The following PRRC2C variants were observed in gnomAD, a reference collection of about 807,000 sequenced individuals.
PRRC2C encodes the protein protein PRRC2C.
Under a neutral mutation model 317.2 loss-of-function variants are expected in PRRC2C, and 72 were observed. The observed-to-expected ratio is 0.23, with a 90% CI of 0.19 to 0.28. The LOEUF is 0.28. PRRC2C is among the 10% of genes least tolerant of loss of function. The pLI is 1.00. For missense variants in PRRC2C, 3,074 were observed against 3,459.7 expected, an observed-to-expected ratio of 0.89 and a Z score of 2.80; for synonymous variants, 1,296 against 1,205.9, an observed-to-expected ratio of 1.07 and a Z score of -1.55.
At position 171,541,787 on chromosome 1, in the gene PRRC2C, C is replaced by T. The variant is rs1259680428; in HGVS notation, c.4321C>T (p.Arg1441Trp). ...GCAAGACAAGCCACCTCGATTTAGACGGCTAAGAGAGAGGGAGGCTGCTTC... is the reference window on the plus strand; with the variant it reads ...GCAAGACAAGCCACCTCGATTTAGATGGCTAAGAGAGAGGGAGGCTGCTTC... ...PRQDKPPRFRRLREREAASKS... is the reference protein window; with the variant it reads ...PRQDKPPRFRWLREREAASKS... Residue 1441 changes from arginine (R) to tryptophan (W), a missense_variant, in exon 16 of 35, where the codon CGG becomes TGG. Transcript: ENST00000647382. The surrounding 1 kb of genome is among the most constrained non-coding windows in gnomAD (Gnocchi z 4.1). The T allele has an allele frequency of 8.1e-6, 13 of 1,613,818 alleles. No individual in the cohort carries two copies. The highest frequency in any genetic ancestry group is 2.7e-5 in the African/African-American group (2 of 74,926).
chr1:171,585,952 T>G lies in PRRC2C; in HGVS notation c.7750-1051T>G, dbSNP rs145878398. 2.3e-3 allele frequency among the ~76,000 whole-genome samples: 351 copies of G among 152,194 alleles called. 1 individual carries two copies. The highest frequency in any genetic ancestry group is 8.2e-3 in the African/African-American group (340 of 41,540). On this transcript the variant is annotated intron_variant, in intron 30 of 34. Coordinates refer to ENST00000647382, the MANE Select transcript of PRRC2C (RefSeq NM_001387844.1). The stretch of plus-strand genomic sequence containing the variant: ...TGAAATTCCTTTGTTTCATACATAC[T>G]TTATACATATAACCTGAAGGTAATT...
chr1:171,591,254 A>G (rs1651344127), intron 34 of PRRC2C: 4 of 993,228 alleles, frequency 4.0e-6, no homozygotes, highest in Admixed American at 5.0e-5. Flanking sequence ...TAGACCACAT[A>G]TTGATAACTA....
At chr1:171,528,018 C>T (rs1465336652) in intron 11 of PRRC2C, among the ~76,000 whole-genome samples, 174 bp downstream of exon 11, 1 of 152,116 alleles carries the variant, frequency 6.6e-6, no homozygotes, top group Non-Finnish European at 1.5e-5. Flanking sequence ...AGTTGATAAG[C>T]ATGCTTCAAG....
intron 18 of PRRC2C, among the ~76,000 whole-genome samples, chr1:171,554,821 C>T (rs1295288520): frequency 1.3e-5 from 2 of 152,162 alleles, no homozygotes; most frequent in African/African-American, 4.8e-5. Flanking sequence ...GAGTTTCTGC[C>T]GAGAGATCAG....
At chr1:171,549,277 TCCTCCCACTTTGG>T (rs1679734825) in intron 17 of PRRC2C, among the ~76,000 whole-genome samples, 1 of 152,204 alleles carries the variant, frequency 6.6e-6, no homozygotes, top group Admixed American at 6.5e-5. Flanking sequence ...CCTGAAATGG[TCCTCCCACTTTGG>T]CCTCCCATTA....
At chr1:171,503,070 A>G (rs990251208) in intron 1 of PRRC2C, among the ~76,000 whole-genome samples, 3 of 152,200 alleles carry the variant, frequency 2.0e-5, no homozygotes, top group Admixed American at 1.3e-4. Context: ...GCAAAGGCAT[A>G]TAAGAGAGAA....
intron 10 of PRRC2C, among the ~76,000 whole-genome samples, chr1:171,526,399 G>A (rs978461925): frequency 2.6e-5 from 4 of 152,094 alleles, no homozygotes; most frequent in African/African-American, 7.2e-5. Flanking sequence ...ATGGAGTTGC[G>A]CGATCTTGGC....
chr1:171,505,282 C>T (rs1490871082), intron 1 of PRRC2C, among the ~76,000 whole-genome samples: 1 of 152,212 alleles, frequency 6.6e-6, no homozygotes. Context: ...CCTGCCTCGG[C>T]CTCCCAAAGT....
chr1:171,541,498 A>T lies in PRRC2C; in HGVS notation c.4032A>T (p.Arg1344Ser), dbSNP rs769458658. Reference protein sequence around the residue: ...GFLPKGEPTRRGRGGTFRRGG... With the variant: ...GFLPKGEPTRSGRGGTFRRGG... ...TTCCTAAAGGAGAGCCTACAAGGAG[A>T]GGCAGAGGGGGAACATTCAGGCGTG... Residue 1344 changes from arginine to serine, a missense_variant, in exon 16 of 35, where the codon AGA (arginine) becomes AGT (serine). Arg to Ser is a moderately radical substitution (Grantham distance 110). This residue lies in a region of PRRC2C where 1,320 missense variants were observed against 1,395.7 expected (regional missense o/e 0.95). Coordinates refer to ENST00000647382, the MANE Select transcript of PRRC2C (RefSeq NM_001387844.1). The surrounding 1 kb of genome is among the most constrained non-coding windows in gnomAD (Gnocchi z 4.1). 2 of 1,613,660 alleles carry T rather than the reference A, an allele frequency of 1.2e-6. No homozygotes were observed. Among genetic ancestry groups the T allele is most frequent in the South Asian group, 2.2e-5 (2 of 91,048 alleles).
chr1:171,550,662 C>T (rs1311410852), intron 18 of PRRC2C, among the ~76,000 whole-genome samples: 1 of 148,998 alleles, frequency 6.7e-6, no homozygotes, highest in African/African-American at 2.5e-5. Flanking sequence ...GTTCCCTGCC[C>T]TGTGTGCAAG....
rs1328945958 is a variant in PRRC2C at position 171,557,663 on chromosome 1, A to T, written c.5551A>T (p.Thr1851Ser). Reference protein sequence around the residue: ...APTPILASVSTPASVTILASA... With the variant: ...APTPILASVSSPASVTILASA... ...AACCCCCATCCTTGCCTCAGTTTCAACCCCAGCTTCTGTCACCATTCTTGC... is the reference window on the plus strand; with the variant it reads ...AACCCCCATCCTTGCCTCAGTTTCATCCCCAGCTTCTGTCACCATTCTTGC... The change falls in exon 19 of 35, where the codon ACC becomes TCC. Residue 1851 changes from threonine (T) to serine (S), a missense_variant. Thr to Ser is a moderately conservative substitution (Grantham distance 58). Coordinates refer to ENST00000647382, the MANE Select transcript of PRRC2C (RefSeq NM_001387844.1). 3.2e-6 allele frequency: 5 copies of T among 1,550,772 alleles called. No individual in the cohort carries two copies. Among genetic ancestry groups the T allele is most frequent in the Non-Finnish European group, 4.4e-6 (5 of 1,146,772 alleles).
chr1:171,591,602 G>T lies in PRRC2C; in HGVS notation c.8452G>T (p.Glu2818Ter). 1 of 1,613,788 alleles carries T rather than the reference G, an allele frequency of 6.2e-7. No homozygotes were observed. Among genetic ancestry groups the T allele is most frequent in the South Asian group, 1.1e-5 (1 of 91,072 alleles). ...ATTTTTTAAGGCAAAGCAGAGAGCAGAGGTTCTTCAGTCCACGCAACGGTT... is the reference window on the plus strand; with the variant it reads ...ATTTTTTAAGGCAAAGCAGAGAGCATAGGTTCTTCAGTCCACGCAACGGTT... Reference protein sequence around the residue: ...EQDMKAKQRAEVLQSTQRFFS... With the variant: ...EQDMKAKQRA Residue 2818 changes from glutamate (E) to a stop codon, truncating the protein, a stop_gained, in exon 35 of 35, where the codon GAG (glutamate) becomes TAG (stop). Transcript: ENST00000647382. LOFTEE classifies it high-confidence loss of function.
chr1:171,485,809 C>A (rs563723978), intron 1 of PRRC2C, 74 bp downstream of exon 1: 2 of 152,224 alleles, frequency 1.3e-5, no homozygotes, highest in African/African-American at 4.8e-5. Flanking sequence ...CGGCCTGGGG[C>A]GTGGGAGCGC....
chr1:171,557,556 C>T lies in PRRC2C; in HGVS notation c.5444C>T (p.Ala1815Val), dbSNP rs1356359744. 3 of 1,551,670 alleles carry T rather than the reference C, an allele frequency of 1.9e-6. No individual in the cohort carries two copies. The highest frequency in any genetic ancestry group is 1.2e-5 in the South Asian group (1 of 84,066). Reference protein sequence around the residue: ...ASPLAPVSASASVSASVPAST... With the variant: ...ASPLAPVSASVSVSASVPAST... ...CCCTTAGCTCCAGTTTCAGCCTCAG[C>T]CTCAGTCTCAGCTTCAGTTCCAGCC... The change falls in exon 19 of 35, where the codon GCC (alanine) becomes GTC (valine). Residue 1815 changes from alanine (A) to valine (V), a missense_variant. Transcript: ENST00000647382.
Position 171,541,040 on chromosome 1 carries a change from C to T in PRRC2C, c.3574C>T (p.Arg1192Ter), listed in dbSNP as rs1188350878. 4 of 1,612,906 alleles carry T rather than the reference C, an allele frequency of 2.5e-6. No individual in the cohort carries two copies. Among genetic ancestry groups the T allele is most frequent in the East Asian group, 2.2e-5 (1 of 44,874 alleles). Reference sequence around the variant, plus strand: ...AGATCAAGGATACAGAGGTCGAGGCCGAGGTGAATATTACTCCAGAGGTCG... The same window carrying T: ...AGATCAAGGATACAGAGGTCGAGGCTGAGGTGAATATTACTCCAGAGGTCG... Reference protein sequence around the residue: ...FPDQGYRGRGRGEYYSRGRSY... With the variant: ...FPDQGYRGRG Residue 1192 changes from arginine (R) to a stop codon, truncating the protein, a stop_gained, in exon 16 of 35, where the codon CGA (arginine) becomes TGA (stop). Coordinates refer to ENST00000647382, the MANE Select transcript of PRRC2C (RefSeq NM_001387844.1). LOFTEE classifies it high-confidence loss of function. The surrounding 1 kb of genome is among the most constrained non-coding windows in gnomAD (Gnocchi z 4.1).
At chr1:171,542,574 A>G (rs1678147528) in intron 16 of PRRC2C, among the ~76,000 whole-genome samples, 1 of 152,154 alleles carries the variant, frequency 6.6e-6, no homozygotes, top group Non-Finnish European at 1.5e-5. Context: ...CTCCTAATAA[A>G]CCTCTAATGC....
intron 20 of PRRC2C, among the ~76,000 whole-genome samples, chr1:171,564,253 G>A (rs1192241460): frequency 6.6e-6 from 1 of 152,080 alleles, no homozygotes; most frequent in East Asian, 1.9e-4. Flanking sequence ...GCCTTACAAA[G>A]ACTTGATATT....
chr1:171,557,065 T>C (rs1237431504), intron 18 of PRRC2C, among the ~76,000 whole-genome samples, 175 bp from the exon 19 acceptor site: 4 of 152,244 alleles, frequency 2.6e-5, no homozygotes, highest in Non-Finnish European at 5.9e-5. Flanking sequence ...TGTCTCAATA[T>C]CATTTTGGCT....
intron 1 of PRRC2C, among the ~76,000 whole-genome samples, chr1:171,499,476 A>G (rs1668695940): frequency 6.6e-6 from 1 of 152,190 alleles, no homozygotes; most frequent in Non-Finnish European, 1.5e-5. Context: ...TGGCCAAAGG[A>G]GAAAGCACTT....
Sources: gnomAD v4.1 joint callset for allele counts (sites outside exome capture counted in the v4.1 genomes callset) on GRCh38, gnomAD v4.1.1 for gene constraint, gnomAD v4.1.1 regional missense constraint, Gnocchi (gnomAD v3.1) non-coding constraint, MANE v1.5 for transcripts, NCBI Gene and HGNC (gene_info 2026-07-23, HGNC 2026-07-21) for gene names.